Variants in SAMMSON observed in about 807,000 individuals in gnomAD.
The protein encoded by SAMMSON is survival associated mitochondrial melanoma specific oncogenic non-coding RNA.
chr3:70,150,145 C>G (rs1293615768), intron 4 of SAMMSON, among the ~76,000 whole-genome samples: 1 of 151,918 alleles, frequency 6.6e-6, no homozygotes, highest in Non-Finnish European at 1.5e-5. Flanking sequence ...TTTTTCGAAC[C>G]AAAAGTATGT....
chr3:70,419,390 A>G (rs1701294052), intron 2 of SAMMSON, among the ~76,000 whole-genome samples: 1 of 152,068 alleles, frequency 6.6e-6, no homozygotes, highest in Admixed American at 6.6e-5. Flanking sequence ...GATGTTATGC[A>G]TGGGGGGAAG....
At chr3:70,154,918 G>T (rs1370984929) in intron 4 of SAMMSON, among the ~76,000 whole-genome samples, 1 of 151,878 alleles carries the variant, frequency 6.6e-6, no homozygotes, top group Non-Finnish European at 1.5e-5. Context: ...AATATCTAAA[G>T]GGTAGGGGTT....
rs1346954321 is a variant in SAMMSON at position 70,320,069 on chromosome 3, AG to A, written n.739+28828del. ...AAAGATTTGAGATCCATATATTGTA[AG>A]GACACATGTAGAGAATCCCAAACTT... On this transcript the variant is annotated intron_variant and non_coding_transcript_variant, in intron 7 of 9. Coordinates refer to ENST00000642114, the Ensembl canonical transcript of SAMMSON. Among the ~76,000 whole-genome samples, 4 of 152,178 alleles carry A rather than the reference AG, an allele frequency of 2.6e-5. No individual in the cohort carries two copies. The East Asian group carries it at 7.7e-4, about 29-fold the overall frequency.
At chr3:70,027,844 A>C (rs1185737712) in intron 3 of SAMMSON, among the ~76,000 whole-genome samples, 1 of 152,218 alleles carries the variant, frequency 6.6e-6, no homozygotes, top group Non-Finnish European at 1.5e-5. Flanking sequence ...AATGACTCTA[A>C]GAGCAAATGC....
chr3:70,305,310 C>T (rs998851515), intron 7 of SAMMSON, among the ~76,000 whole-genome samples: 3 of 151,946 alleles, frequency 2.0e-5, no homozygotes, highest in Non-Finnish European at 2.9e-5. Context: ...TATTAGGTAA[C>T]GCACTTTCAT....
chr3:70,140,267 G>A (rs770932427), intron 4 of SAMMSON: 1 of 191,522 alleles, frequency 5.2e-6, no homozygotes, highest in Non-Finnish European at 1.1e-5. Context: ...AAGATCTCAT[G>A]GAGGAGGAAG....
intron 7 of SAMMSON, among the ~76,000 whole-genome samples, chr3:70,347,678 G>C (rs192940174): frequency 6.6e-6 from 1 of 152,132 alleles, no homozygotes; most frequent in Non-Finnish European, 1.5e-5. Context: ...AAAAAGACCT[G>C]GCCCTACTAA....
At chr3:70,332,024 T>A (rs991159328) in intron 7 of SAMMSON, among the ~76,000 whole-genome samples, 6 of 152,240 alleles carry the variant, frequency 3.9e-5, no homozygotes, top group Non-Finnish European at 7.3e-5. Context: ...TGATGAATGA[T>A]CTAAAAATGG....
chr3:70,143,187 G>T (rs2067534741), intron 4 of SAMMSON, among the ~76,000 whole-genome samples: 1 of 151,888 alleles, frequency 6.6e-6, no homozygotes, highest in African/African-American at 2.4e-5. Context: ...AACTATATTT[G>T]TTAGAAAGTA....
chr3:70,166,614 A>C (rs1183254013), intron 4 of SAMMSON, among the ~76,000 whole-genome samples: 5 of 151,902 alleles, frequency 3.3e-5, no homozygotes, highest in African/African-American at 1.2e-4. Flanking sequence ...GCTCCCGTAG[A>C]GGTAGAGGGT....
At chr3:70,336,685 T>C (rs1702662698) in intron 7 of SAMMSON, among the ~76,000 whole-genome samples, 1 of 152,040 alleles carries the variant, frequency 6.6e-6, no homozygotes, top group African/African-American at 2.4e-5. Context: ...CTTGGTAGAA[T>C]AATTCAGTAG....
chr3:70,046,708 G>T (rs2067128184), intron 3 of SAMMSON, among the ~76,000 whole-genome samples: 1 of 152,070 alleles, frequency 6.6e-6, no homozygotes, highest in Admixed American at 6.6e-5. Flanking sequence ...TTATTGTACA[G>T]TTCTGGGGCT....
intron 4 of SAMMSON, among the ~76,000 whole-genome samples, chr3:70,185,356 T>C (rs1701084105): frequency 2.0e-5 from 3 of 152,228 alleles, no homozygotes; most frequent in Admixed American, 2.0e-4. Context: ...CCACTAAAAG[T>C]TTCATACGGG....
chr3:70,105,173 A>G (rs1389280892), intron 4 of SAMMSON, among the ~76,000 whole-genome samples: 1 of 152,188 alleles, frequency 6.6e-6, no homozygotes, highest in Non-Finnish European at 1.5e-5. Context: ...ATTATAGGAA[A>G]GTAATCTTTC....
At chr3:70,034,726 C>T (rs1384266140) in intron 3 of SAMMSON, among the ~76,000 whole-genome samples, 2 of 152,088 alleles carry the variant, frequency 1.3e-5, no homozygotes, top group African/African-American at 2.4e-5. Flanking sequence ...CACCTGTAAT[C>T]CCAGCTACTC....
At chr3:70,226,817 G>A (rs1701511933) in intron 4 of SAMMSON, among the ~76,000 whole-genome samples, 1 of 151,880 alleles carries the variant, frequency 6.6e-6, no homozygotes, top group Admixed American at 6.6e-5. Context: ...GACAAAGTTT[G>A]TAGAATATGG....
intron 2 of SAMMSON, among the ~76,000 whole-genome samples, chr3:70,426,657 A>G (rs545723827): frequency 2.5e-4 from 38 of 152,276 alleles, no homozygotes; most frequent in African/African-American, 8.7e-4. Flanking sequence ...AGCCTTTCCA[A>G]TATCAGAGTC....
chr3:70,399,142 C>T (rs1701115661), intron 2 of SAMMSON, among the ~76,000 whole-genome samples: 1 of 152,174 alleles, frequency 6.6e-6, no homozygotes, highest in South Asian at 2.1e-4. Context: ...TTCCTCCCCT[C>T]CTCTTTTCTC....
chr3:70,122,288 G>A (rs1157003869), intron 4 of SAMMSON, among the ~76,000 whole-genome samples: 1 of 152,114 alleles, frequency 6.6e-6, no homozygotes, highest in African/African-American at 2.4e-5. Flanking sequence ...TACCTCCTGG[G>A]CTCAAGCAAT....
Sources: gnomAD v4.1 joint callset for allele counts (sites outside exome capture counted in the v4.1 genomes callset) on GRCh38, gnomAD v4.1.1 for gene constraint, MANE v1.5 for transcripts, NCBI Gene and HGNC (gene_info 2026-07-23, HGNC 2026-07-21) for gene names.